Variants in NXPE2 observed in about 807,000 individuals in gnomAD.
NXPE2 encodes the protein neurexophilin and PC-esterase domain family member 2, also known as NXPE family member 2.
In NXPE2, 34 loss-of-function variants were observed where a neutral mutation model predicts 34.4. The observed-to-expected ratio is 0.99, with a 90% CI of 0.75 to 1.31. NXPE2 has a LOEUF of 1.31. Among genes scored for constraint, NXPE2 ranks in the 40% most tolerant of loss-of-function variants. The probability of loss-of-function intolerance (pLI) is 0.00; values close to 1 mark genes in which losing one functional copy is unlikely to be tolerated. For missense variants in NXPE2, 649 were observed against 672.5 expected, an observed-to-expected ratio of 0.97 and a Z score of 0.39; for synonymous variants, 235 against 231.3, an observed-to-expected ratio of 1.02 and a Z score of -0.15.
chr11:114,651,786 T>A, the NXPE2 span, among the ~76,000 whole-genome samples: 2 of 152,174 alleles, frequency 1.3e-5, no homozygotes, highest in African/African-American at 4.8e-5. Flanking sequence ...TTTACAAACC[T>A]TTAGCTAGAC....
chr11:114,694,623 C>A (rs1565385561), intron 2 of NXPE2, among the ~76,000 whole-genome samples: 2 of 151,946 alleles, frequency 1.3e-5, no homozygotes, highest in South Asian at 4.2e-4. Flanking sequence ...ATATTCTGTT[C>A]TTTTTTCATG....
the NXPE2 span, among the ~76,000 whole-genome samples, chr11:114,637,251 T>G: frequency 2.2e-4 from 33 of 151,972 alleles, no homozygotes; most frequent in African/African-American, 6.7e-4. Context: ...CTTTGTTGGT[T>G]TAAAGTCTGT....
the NXPE2 span, among the ~76,000 whole-genome samples, chr11:114,806,949 G>A: frequency 6.6e-6 from 1 of 152,178 alleles, no homozygotes; most frequent in African/African-American, 2.4e-5. Context: ...GAGAAAAGTC[G>A]GGTTACCCAC....
At chr11:114,548,063 A>AG in the NXPE2 span, among the ~76,000 whole-genome samples, 2 of 152,322 alleles carry the variant, frequency 1.3e-5, no homozygotes, top group Admixed American at 6.5e-5. Context: ...GTATCTGATA[A>AG]GGTAACATTC....
chr11:114,639,476 G>C, the NXPE2 span, among the ~76,000 whole-genome samples: 1 of 151,374 alleles, frequency 6.6e-6, no homozygotes, highest in Non-Finnish European at 1.5e-5. Context: ...TGCCCCCACT[G>C]TCCTGTGCCC....
At chr11:114,796,359 CA>C in the NXPE2 span, among the ~76,000 whole-genome samples, 1 of 152,148 alleles carries the variant, frequency 6.6e-6, no homozygotes, top group African/African-American at 2.4e-5. Flanking sequence ...GTTTTAATTT[CA>C]AATATCCATG....
At chr11:114,512,479 T>C in the NXPE2 span, among the ~76,000 whole-genome samples, 3 of 152,048 alleles carry the variant, frequency 2.0e-5, no homozygotes, top group African/African-American at 7.2e-5. Context: ...AGGGTGGAGT[T>C]GAAGGACACC....
the NXPE2 span, among the ~76,000 whole-genome samples, chr11:114,789,711 C>T: frequency 1.5e-4 from 23 of 152,272 alleles, no homozygotes; most frequent in South Asian, 4.1e-4. Flanking sequence ...CCTGAAGGGC[C>T]GGCCTCTTGA....
At chr11:114,810,325 G>A in the NXPE2 span, among the ~76,000 whole-genome samples, 1 of 149,276 alleles carries the variant, frequency 6.7e-6, no homozygotes, top group East Asian at 2.0e-4. Context: ...GGCAACAAAA[G>A]CCAAAATTGA....
the NXPE2 span, among the ~76,000 whole-genome samples, chr11:114,490,581 GACAAAA>G: frequency 6.6e-6 from 1 of 152,154 alleles, no homozygotes; most frequent in Non-Finnish European, 1.5e-5. Context: ...TGACAAACCT[GACAAAA>G]ACAAGCGATG....
chr11:114,727,180 T>C, the NXPE2 span, among the ~76,000 whole-genome samples: 2 of 152,080 alleles, frequency 1.3e-5, no homozygotes, highest in Admixed American at 6.6e-5. Flanking sequence ...CAAAACACTA[T>C]ATACTGGGGG....
chr11:114,534,281 CT>C, the NXPE2 span, among the ~76,000 whole-genome samples: 1 of 152,210 alleles, frequency 6.6e-6, no homozygotes, highest in Admixed American at 6.5e-5. Flanking sequence ...CAAAACCCAT[CT>C]GTACATAACC....
intron 2 of NXPE2, among the ~76,000 whole-genome samples, chr11:114,691,552 T>C (rs1433821125): frequency 6.7e-6 from 1 of 150,226 alleles, no homozygotes; most frequent in Non-Finnish European, 1.5e-5. Context: ...ACATTTACCT[T>C]CAGTGGTGGT....
chr11:114,468,131 TAAAAAAA>T, the NXPE2 span, among the ~76,000 whole-genome samples: 15 of 135,756 alleles, frequency 1.1e-4, no homozygotes, highest in Non-Finnish European at 2.1e-4. Flanking sequence ...GCTGATGAGC[TAAAAAAA>T]AAAAAAAAAA....
chr11:114,703,099 G>C (rs1453763739), intron 3 of NXPE2, among the ~76,000 whole-genome samples: 4 of 152,134 alleles, frequency 2.6e-5, no homozygotes, highest in African/African-American at 9.7e-5. Context: ...ATATTGACTT[G>C]ATTCCTATCT....
At chr11:114,586,108 T>A in the NXPE2 span, among the ~76,000 whole-genome samples, 1 of 152,182 alleles carries the variant, frequency 6.6e-6, no homozygotes, top group Admixed American at 6.5e-5. Context: ...TTTTTTGCCC[T>A]GTGTAAATCA....
the NXPE2 span, chr11:114,527,930 AG>A: frequency 6.4e-7 from 1 of 1,555,676 alleles, no homozygotes; most frequent in Non-Finnish European, 8.8e-7. Context: ...ACAATAAATT[AG>A]CCTGCTCTCT....
chr11:114,535,922 C>A, the NXPE2 span, among the ~76,000 whole-genome samples: 1 of 152,092 alleles, frequency 6.6e-6, no homozygotes, highest in African/African-American at 2.4e-5. Flanking sequence ...CAGCTCTGCA[C>A]CAAGCAGACC....
At chr11:114,577,598 G>A in the NXPE2 span, among the ~76,000 whole-genome samples, 1 of 152,100 alleles carries the variant, frequency 6.6e-6, no homozygotes, top group South Asian at 2.1e-4. Flanking sequence ...GAAAGATTAC[G>A]TGCACGCCAC....
Sources: allele counts gnomAD v4.1 joint callset (sites outside exome capture counted in the v4.1 genomes callset), GRCh38; gene constraint gnomAD v4.1.1; transcripts MANE v1.5; gene names NCBI Gene and HGNC (gene_info 2026-07-23, HGNC 2026-07-21).